VGLL4: variants seen among roughly 807,000 people sequenced by gnomAD.
The protein encoded by VGLL4 is vestigial like family member 4, also known as transcription cofactor vestigial-like protein 4.
A neutral mutation model predicts 21.0 loss-of-function variants in VGLL4; 7 were observed. The ratio of observed to expected loss-of-function variants is 0.33; its 90% CI spans 0.19 to 0.63. The LOEUF is 0.63. VGLL4 is among the 20% of genes least tolerant of loss of function. The pLI is 0.78. For synonymous variants in VGLL4, 222 were observed against 173.2 expected, an observed-to-expected ratio of 1.28 and a Z score of -2.21; for missense variants, 394 against 425.7, an observed-to-expected ratio of 0.93 and a Z score of 0.66.
chr3:11,584,383 C>T lies in VGLL4; in HGVS notation c.272+17450G>A, dbSNP rs2074313156. On this transcript the variant is annotated intron_variant, in intron 2 of 4. Transcript: ENST00000430365. Reference sequence around the variant, plus strand: ...AAACACACAATAACAATGTTTCTCCCCGAGAAACTTGCAAATATTATATAA... The same window carrying T: ...AAACACACAATAACAATGTTTCTCCTCGAGAAACTTGCAAATATTATATAA... Among the ~76,000 whole-genome samples the T allele has an allele frequency of 2.0e-5, 3 of 152,024 alleles. No individual in the cohort carries two copies. The South Asian group carries it at 6.2e-4, about 32-fold the overall frequency.
chr3:11,663,928 T>C (rs1441406474), intron 2 of VGLL4, among the ~76,000 whole-genome samples: 2 of 152,122 alleles, frequency 1.3e-5, no homozygotes, highest in Non-Finnish European at 2.9e-5. Context: ...ACACAATTAC[T>C]GTTGCACCAA....
intron 2 of VGLL4, among the ~76,000 whole-genome samples, chr3:11,594,726 T>G (rs2074590216): frequency 6.6e-6 from 1 of 152,262 alleles, no homozygotes. Context: ...GTTAGTATTG[T>G]AAAGCACCTG....
chr3:11,564,691 TCCCTCCCTCACCACCG>T (rs1303520340), intron 3 of VGLL4, 90 bp downstream of exon 3: 22 of 1,277,352 alleles, frequency 1.7e-5, no homozygotes, highest in African/African-American at 1.1e-4. Flanking sequence ...CCTCACCACC[TCCCTCCCTCACCACCG>T]CCCTCGGAGT....
At chr3:11,618,678 T>C (rs1246385842) in intron 1 of VGLL4, among the ~76,000 whole-genome samples, 5 of 152,166 alleles carry the variant, frequency 3.3e-5, no homozygotes, top group African/African-American at 7.2e-5. Flanking sequence ...AAAGAGACTA[T>C]TAAATAATAA....
intron 1 of VGLL4, among the ~76,000 whole-genome samples, chr3:11,636,466 TG>T (rs1374661686): frequency 2.6e-5 from 4 of 152,242 alleles, no homozygotes; most frequent in Admixed American, 1.3e-4. Flanking sequence ...AGAAACGTGC[TG>T]CTCTCTAACA....
chr3:11,672,312 A>G (rs2076228438), intron 2 of VGLL4, among the ~76,000 whole-genome samples: 1 of 152,248 alleles, frequency 6.6e-6, no homozygotes, highest in African/African-American at 2.4e-5. Flanking sequence ...AAGTAACTTG[A>G]CTATTGAACA....
chr3:11,695,782 T>G (rs990729454), intron 2 of VGLL4, among the ~76,000 whole-genome samples: 3 of 152,068 alleles, frequency 2.0e-5, no homozygotes, highest in African/African-American at 7.2e-5. Flanking sequence ...GCCACTCTTA[T>G]GGATGAAAAT....
chr3:11,697,873 C>G (rs556618211), intron 2 of VGLL4, among the ~76,000 whole-genome samples: 21 of 152,324 alleles, frequency 1.4e-4, no homozygotes, highest in African/African-American at 4.3e-4. Context: ...TTTCTTGGGG[C>G]AGATGCAAAC....
At chr3:11,707,208 G>T (rs2076773757) in intron 1 of VGLL4, among the ~76,000 whole-genome samples, 1 of 151,470 alleles carries the variant, frequency 6.6e-6, no homozygotes, top group Admixed American at 6.6e-5. Context: ...TGGGCCTATG[G>T]TCCCAGCTAC....
At chr3:11,695,484 A>G (rs2076593857) in intron 2 of VGLL4, among the ~76,000 whole-genome samples, 1 of 152,180 alleles carries the variant, frequency 6.6e-6, no homozygotes, top group South Asian at 2.1e-4. Context: ...TATATATAAA[A>G]CATGTACCAA....
intron 2 of VGLL4, among the ~76,000 whole-genome samples, chr3:11,566,562 G>C (rs946621467): frequency 6.6e-6 from 1 of 152,230 alleles, no homozygotes; most frequent in South Asian, 2.1e-4. Context: ...CCTCATCTCT[G>C]GCTTCACGCC....
At chr3:11,696,372 T>C (rs1178020639) in intron 2 of VGLL4, among the ~76,000 whole-genome samples, 2 of 152,234 alleles carry the variant, frequency 1.3e-5, no homozygotes, top group African/African-American at 4.8e-5. Flanking sequence ...AACCTATTTG[T>C]CTCCCTCCTG....
In VGLL4 at chr3:11,604,511, G is replaced by A; in HGVS notation, c.83-2489C>T. ...TATGCATCTTTGGGGCCCCTCCCTA[G>A]ATGGCCTTAACCCAACACTTGTATG... On this transcript the variant is annotated intron_variant, in intron 1 of 4. Transcript: ENST00000430365. 5 of 951,272 alleles carry A rather than the reference G, an allele frequency of 5.3e-6. 1 individual carries two copies. The highest frequency in any genetic ancestry group is 6.2e-6 in the Non-Finnish European group (5 of 804,888). 58.9% of individuals were successfully genotyped at this position (951,272 alleles called of 1,614,324 possible).
chr3:11,644,459 G>A (rs563828037), upstream of VGLL4, among the ~76,000 whole-genome samples: 3 of 152,244 alleles, frequency 2.0e-5, no homozygotes, highest in South Asian at 6.2e-4. Flanking sequence ...TCACAGCAGA[G>A]GAAACAGGTT....
chr3:11,672,325 G>A lies in VGLL4; in HGVS notation c.64+30646C>T, dbSNP rs1212001259. Among the ~76,000 whole-genome samples the A allele has an allele frequency of 2.6e-5, 4 of 152,098 alleles. No homozygotes were observed. In the South Asian group the frequency reaches 8.3e-4, roughly 32 times the overall value. On this transcript the variant is annotated intron_variant, in intron 2 of 5. Transcript: ENST00000273038. The stretch of plus-strand genomic sequence containing the variant: ...AGAAGTAACTTGACTATTGAACACT[G>A]TACTCGTAGAGTTAAAATAGCTCAA...
chr3:11,684,179 C>A (rs1169577507), intron 2 of VGLL4, among the ~76,000 whole-genome samples: 1 of 152,052 alleles, frequency 6.6e-6, no homozygotes, highest in Non-Finnish European at 1.5e-5. Context: ...CCACTGCACT[C>A]CAGTCAGGGT....
At chr3:11,680,608 A>G (rs1202807188) in intron 2 of VGLL4, among the ~76,000 whole-genome samples, 2 of 151,764 alleles carry the variant, frequency 1.3e-5, no homozygotes, top group Admixed American at 1.3e-4. Flanking sequence ...CCATTCAGCC[A>G]CTCTTTTCTC....
In VGLL4 at chr3:11,601,910, G is replaced by A. The variant is rs2074808995; in HGVS notation, c.195C>T (p.Ser65=). The A allele has an allele frequency of 1.2e-6, 2 of 1,613,796 alleles. No individual in the cohort carries two copies. Among genetic ancestry groups the A allele is most frequent in the African/African-American group, 1.3e-5 (1 of 74,870 alleles). ...CTAGGTCCTCGTCACCTGGCTCCATGCTGAACTTCCTCTTGCTGGGGCTGA... is the reference window on the plus strand; with the variant it reads ...CTAGGTCCTCGTCACCTGGCTCCATACTGAACTTCCTCTTGCTGGGGCTGA... The part of the protein sequence containing the change: ...PPISPSKRKF[S]MEPGDEDLDC... The change falls in exon 2 of 5, where the codon AGC becomes AGT. Residue 65 remains serine (S), a synonymous_variant. Coordinates refer to ENST00000430365, the MANE Select transcript of VGLL4 (RefSeq NM_001128219.3).
chr3:11,588,936 G>A (rs540044716), intron 2 of VGLL4, among the ~76,000 whole-genome samples: 1 of 152,322 alleles, frequency 6.6e-6, no homozygotes, highest in South Asian at 2.1e-4. Flanking sequence ...GTCCAGCCAC[G>A]GGTTCATGTG....
Sources: gnomAD v4.1 joint callset for allele counts (sites outside exome capture counted in the v4.1 genomes callset) on GRCh38, gnomAD v4.1.1 for gene constraint, MANE v1.5 for transcripts, NCBI Gene and HGNC (gene_info 2026-07-23, HGNC 2026-07-21) for gene names.